The following PRLR variants were observed in gnomAD, a reference collection of about 807,000 sequenced individuals.
PRLR encodes the protein prolactin receptor, also known as hPRL receptor.
A neutral mutation model predicts 40.2 loss-of-function variants in PRLR; 13 were observed. The observed-to-expected ratio is 0.32, with a 90% confidence interval of 0.21 to 0.51. The LOEUF (loss-of-function observed/expected upper bound fraction) is 0.51. Among genes scored for constraint, PRLR ranks in the 20% least tolerant of loss-of-function variants. PRLR has a pLI of 0.97. For missense variants in PRLR, 656 were observed against 747.3 expected, an observed-to-expected ratio of 0.88 and a Z score of 1.42; for synonymous variants, 269 against 278.7, an observed-to-expected ratio of 0.97 and a Z score of 0.35.
chr5:35,099,639 A>C (rs977645627), intron 2 of PRLR, among the ~76,000 whole-genome samples: 11 of 152,194 alleles, frequency 7.2e-5, no homozygotes, highest in African/African-American at 2.7e-4. Context: ...GCATGCTATC[A>C]TCCTTGAGGA....
intron 1 of PRLR, among the ~76,000 whole-genome samples, chr5:35,210,324 A>C (rs1280301331): frequency 1.3e-5 from 2 of 152,204 alleles, no homozygotes; most frequent in Non-Finnish European, 2.9e-5. Context: ...TTATTCCCTT[A>C]GCCTCCAGCA....
intron 1 of PRLR, among the ~76,000 whole-genome samples, chr5:35,143,700 G>C (rs1490202551): frequency 6.6e-6 from 1 of 152,148 alleles, no homozygotes; most frequent in Non-Finnish European, 1.5e-5. Context: ...ATGAATGAAA[G>C]AATTACTGAC....
At chr5:35,223,822 C>T (rs1776480005) in intron 1 of PRLR, among the ~76,000 whole-genome samples, 1 of 152,216 alleles carries the variant, frequency 6.6e-6, no homozygotes, top group Non-Finnish European at 1.5e-5. Flanking sequence ...CTTCTATTTT[C>T]CCCGTGGAGT....
intron 1 of PRLR, among the ~76,000 whole-genome samples, chr5:35,205,702 CT>C: frequency 6.6e-6 from 1 of 152,074 alleles, no homozygotes; most frequent in Non-Finnish European, 1.5e-5. Flanking sequence ...AAGATGATGA[CT>C]TTTTATGTTC....
intron 1 of PRLR, among the ~76,000 whole-genome samples, chr5:35,210,828 G>C (rs1472900348): frequency 6.6e-6 from 1 of 152,016 alleles, no homozygotes; most frequent in East Asian, 1.9e-4. Context: ...TCTCCCCTCA[G>C]TGCCCCCAAG....
intron 5 of PRLR, among the ~76,000 whole-genome samples, chr5:35,083,446 CTCTG>C (rs1356733885): frequency 0.015 from 2,144 of 141,470 alleles, 60 homozygotes; most frequent in African/African-American, 0.06. Flanking sequence ...CTTCCTCTCT[CTCTG>C]TGTGTGTGTG....
At chr5:35,050,823 A>C (rs1280946253), downstream of PRLR, among the ~76,000 whole-genome samples, 1 of 152,224 alleles carries the variant, frequency 6.6e-6, no homozygotes, top group African/African-American at 2.4e-5. Context: ...ATTGAAGGAA[A>C]GGAAAATTGT....
At position 35,062,422 on chromosome 5, in the gene PRLR, T is replaced by A. The variant is rs1769096157; in HGVS notation, c.*2667A>T. 1 of 152,230 alleles carries A rather than the reference T, an allele frequency of 6.6e-6. No homozygotes were observed. The highest frequency in any genetic ancestry group is 2.1e-4 in the South Asian group (1 of 4,828). The allele number at this position is 152,230 out of a possible 1,614,324, so 9.4% of individuals were successfully genotyped here. Reference sequence around the variant, plus strand: ...GTATCCTTCCATTTGAACAGCTGTCTCCTTGATAGACCACAAAAAAACTTT... The same window carrying A: ...GTATCCTTCCATTTGAACAGCTGTCACCTTGATAGACCACAAAAAAACTTT... On this transcript the variant is annotated 3_prime_UTR_variant, in exon 10 of 10. Coordinates refer to ENST00000618457, the MANE Select transcript of PRLR (RefSeq NM_000949.7).
At chr5:35,091,008 T>C (rs1473741529) in intron 2 of PRLR, among the ~76,000 whole-genome samples, 1 of 151,766 alleles carries the variant, frequency 6.6e-6, no homozygotes, top group East Asian at 1.9e-4. Flanking sequence ...GAGACGGGGT[T>C]TCACCGTGTT....
chr5:35,088,847 G>A (rs1771023377), intron 3 of PRLR, among the ~76,000 whole-genome samples: 1 of 152,144 alleles, frequency 6.6e-6, no homozygotes, highest in African/African-American at 2.4e-5. Context: ...GCAGAGAAGT[G>A]TGCACATACG....
intron 1 of PRLR, among the ~76,000 whole-genome samples, chr5:35,207,644 A>G (rs972183801): frequency 1.6e-5 from 2 of 127,798 alleles, no homozygotes; most frequent in African/African-American, 5.8e-5. Flanking sequence ...GTGTGTGTGT[A>G]TAGAGAAGTC....
intron 1 of PRLR, among the ~76,000 whole-genome samples, chr5:35,207,023 G>A (rs540275601): frequency 6.6e-6 from 1 of 152,178 alleles, no homozygotes; most frequent in Non-Finnish European, 1.5e-5. Flanking sequence ...GCCTGGGAGA[G>A]AGAATTTTCA....
At chr5:35,117,406 C>T (rs1038008053) in intron 2 of PRLR, among the ~76,000 whole-genome samples, 1 of 152,210 alleles carries the variant, frequency 6.6e-6, no homozygotes, top group Non-Finnish European at 1.5e-5. Context: ...ACATGTCGAG[C>T]TCATCTCAGT....
At position 35,089,600 on chromosome 5, in the gene PRLR, A is replaced by G. The variant is rs1345850959; in HGVS notation, c.21T>C (p.Ser7=). The G allele has an allele frequency of 5.0e-6, 8 of 1,614,070 alleles. No homozygotes were observed. The highest frequency in any genetic ancestry group is 6.8e-6 in the Non-Finnish European group (8 of 1,179,988). Residue 7 remains serine (S), a synonymous_variant, in exon 3 of 10, where the codon TCT becomes TCC. Transcript: ENST00000618457. MKENVA[S]ATVFTLLLFL... The stretch of plus-strand genomic sequence containing the variant: ...AAAGTAGCAGAGTGAAAACGGTTGC[A>G]GATGCCACATTTTCCTTCATGTTGG...
chr5:35,219,448 T>A (rs1001927580), intron 1 of PRLR, among the ~76,000 whole-genome samples: 2 of 152,178 alleles, frequency 1.3e-5, no homozygotes, highest in Admixed American at 6.5e-5. Context: ...CTAAATGAGT[T>A]AAAACATGAA....
intron 1 of PRLR, among the ~76,000 whole-genome samples, chr5:35,172,103 C>T (rs1461752194): frequency 1.3e-5 from 2 of 152,170 alleles, no homozygotes; most frequent in Admixed American, 1.3e-4. Context: ...AAAATGTGAG[C>T]ATGTCCCGTG....
At chr5:35,051,407 G>A (rs995937403), downstream of PRLR, among the ~76,000 whole-genome samples, 1 of 152,202 alleles carries the variant, frequency 6.6e-6, no homozygotes, top group African/African-American at 2.4e-5. Context: ...ATCTTTTTGA[G>A]CATAGGCCCT....
intron 5 of PRLR, among the ~76,000 whole-genome samples, chr5:35,080,381 G>T (rs1579598013): frequency 6.6e-6 from 1 of 152,234 alleles, no homozygotes; most frequent in Admixed American, 6.5e-5. Flanking sequence ...GTTGGTGAAG[G>T]ATATGAACAG....
intron 1 of PRLR, among the ~76,000 whole-genome samples, chr5:35,125,325 G>A (rs1193178899): frequency 3.9e-5 from 6 of 152,156 alleles, no homozygotes; most frequent in South Asian, 2.1e-4. Flanking sequence ...GGACCTGAAC[G>A]AAATGACTTT....
Sources: gnomAD v4.1 joint callset for allele counts (sites outside exome capture counted in the v4.1 genomes callset) on GRCh38, gnomAD v4.1.1 for gene constraint, MANE v1.5 for transcripts, NCBI Gene and HGNC (gene_info 2026-07-23, HGNC 2026-07-21) for gene names.